The following LRRC7 variants were observed in gnomAD, a reference collection of about 807,000 sequenced individuals.
The protein encoded by LRRC7 is leucine rich repeat containing 7.
Under a neutral mutation model 175.7 loss-of-function variants are expected in LRRC7, and 23 were observed. That is an observed-to-expected ratio of 0.13 (90% CI 0.09 to 0.19). The LOEUF (loss-of-function observed/expected upper bound fraction) is 0.19, where lower values mean the gene tolerates loss of function less well. LRRC7 is among the 10% of genes least tolerant of loss of function. LRRC7 has a pLI of 1.00. For synonymous variants in LRRC7, 685 were observed against 680.9 expected, an observed-to-expected ratio of 1.01 and a Z score of -0.09; for missense variants, 1,354 against 1,904.7, an observed-to-expected ratio of 0.71 and a Z score of 5.38.
intron 26 of LRRC7, among the ~76,000 whole-genome samples, chr1:70,117,573 TA>T: frequency 6.6e-6 from 1 of 152,188 alleles, no homozygotes; most frequent in Admixed American, 6.5e-5. Flanking sequence ...AGATATCAAA[TA>T]AAAAATTAAA....
intron 7 of LRRC7, among the ~76,000 whole-genome samples, chr1:69,900,944 G>A (rs576397202): frequency 6.6e-6 from 1 of 152,272 alleles, no homozygotes; most frequent in Admixed American, 6.5e-5. Flanking sequence ...CAATATGCCT[G>A]TAAATTACAA....
At chr1:69,958,742 C>T (rs903729263) in intron 8 of LRRC7, among the ~76,000 whole-genome samples, 1 of 151,948 alleles carries the variant, frequency 6.6e-6, no homozygotes, top group Non-Finnish European at 1.5e-5. Context: ...ATGTATTGCA[C>T]TAAATTCAGA....
chr1:69,731,522 T>C lies in LRRC7; in HGVS notation c.101-28669T>C, dbSNP rs146279842. The stretch of plus-strand genomic sequence containing the variant: ...AAAATGTGGAAGAAACACAAGAAAA[T>C]GTGCTTATTTGGAGGATGCTAACAG... On this transcript the variant is annotated intron_variant, in intron 2 of 26. Transcript: ENST00000651989. Among the ~76,000 whole-genome samples the C allele has an allele frequency of 6.1e-3, 926 of 152,222 alleles. 3 individuals are homozygous for C. Among genetic ancestry groups the C allele is most frequent in the African/African-American group, 0.021 (875 of 41,536 alleles).
chr1:69,657,171 A>G (rs926049116), intron 1 of LRRC7, among the ~76,000 whole-genome samples: 1 of 151,522 alleles, frequency 6.6e-6, no homozygotes, highest in African/African-American at 2.4e-5. Flanking sequence ...CACTGACCTA[A>G]TTTCTCACCA....
At chr1:70,055,270 A>C (rs1353545050) in intron 23 of LRRC7, among the ~76,000 whole-genome samples, 1 of 152,208 alleles carries the variant, frequency 6.6e-6, no homozygotes, top group Non-Finnish European at 1.5e-5. Flanking sequence ...CAGAAGCCGG[A>C]TCATGCTGGG....
intron 11 of LRRC7, among the ~76,000 whole-genome samples, chr1:70,009,275 A>T (rs1473113254): frequency 6.6e-6 from 1 of 151,936 alleles, no homozygotes; most frequent in Admixed American, 6.6e-5. Context: ...GACCTCTTTT[A>T]TGCAATTCTA....
In LRRC7 at chr1:69,605,913, C is replaced by T. The variant is rs139636383; in HGVS notation, c.2+37272C>T. On this transcript the variant is annotated intron_variant, in intron 1 of 26. Transcript: ENST00000651989. ...TGACTGGAAAATAAAGTGTGCCAGA[C>T]GTAAGGAATGATTCTAATGCTATGC... Among the ~76,000 whole-genome samples the T allele has an allele frequency of 6.0e-3, 919 of 151,988 alleles. 7 individuals carry two copies. Among genetic ancestry groups the T allele is most frequent in the Non-Finnish European group, 9.5e-3 (646 of 67,964 alleles).
chr1:69,809,978 A>T (rs1050384706), intron 4 of LRRC7, among the ~76,000 whole-genome samples: 6 of 152,076 alleles, frequency 3.9e-5, no homozygotes, highest in Non-Finnish European at 7.4e-5. Flanking sequence ...AAGGAACTCA[A>T]ATTATCTCTT....
chr1:69,575,734 A>G (rs1043308661), intron 1 of LRRC7, among the ~76,000 whole-genome samples: 2 of 152,182 alleles, frequency 1.3e-5, no homozygotes, highest in African/African-American at 4.8e-5. Flanking sequence ...ATTCATTTTA[A>G]ATAAATAAAT....
At chr1:69,835,516 T>G (rs1458939359) in intron 6 of LRRC7, among the ~76,000 whole-genome samples, 4 of 152,020 alleles carry the variant, frequency 2.6e-5, no homozygotes, top group African/African-American at 7.2e-5. Context: ...AAGACTGTTA[T>G]GTTCCAACAT....
intron 1 of LRRC7, among the ~76,000 whole-genome samples, chr1:69,580,363 TAA>T (rs1228222384): frequency 6.6e-6 from 1 of 152,116 alleles, no homozygotes; most frequent in African/African-American, 2.4e-5. Flanking sequence ...ATTTAATACA[TAA>T]AGATATTATT....
At chr1:69,791,188 C>T (rs1046676721) in intron 3 of LRRC7, among the ~76,000 whole-genome samples, 4 of 151,948 alleles carry the variant, frequency 2.6e-5, no homozygotes, top group Admixed American at 2.6e-4. Flanking sequence ...TCATATCTGG[C>T]AGGAGTCAAG....
chr1:69,885,259 G>A (rs1687058486), intron 7 of LRRC7, among the ~76,000 whole-genome samples: 2 of 140,448 alleles, frequency 1.4e-5, no homozygotes, highest in Non-Finnish European at 3.1e-5. Flanking sequence ...ACTCTTTTTG[G>A]TTGGTAAACT....
At chr1:69,597,472 C>T (rs1315384407) in intron 1 of LRRC7, among the ~76,000 whole-genome samples, 2 of 152,140 alleles carry the variant, frequency 1.3e-5, no homozygotes, top group Non-Finnish European at 1.5e-5. Flanking sequence ...ATACGGTTTT[C>T]CCACTCTTCT....
chr1:69,595,018 T>TTA (rs1322899037), intron 1 of LRRC7, among the ~76,000 whole-genome samples: 1 of 152,118 alleles, frequency 6.6e-6, no homozygotes, highest in African/African-American at 2.4e-5. Context: ...GATCATTTTT[T>TTA]TTTTTTACTG....
At chr1:69,717,868 A>AAG (rs1665713823) in intron 2 of LRRC7, among the ~76,000 whole-genome samples, 1 of 140,382 alleles carries the variant, frequency 7.1e-6, no homozygotes, top group African/African-American at 2.6e-5. Flanking sequence ...GAAAGAAAGA[A>AAG]AGAAAGAAAG....
intron 7 of LRRC7, among the ~76,000 whole-genome samples, chr1:69,845,017 A>C (rs1175824517): frequency 6.6e-6 from 1 of 152,134 alleles, no homozygotes; most frequent in Non-Finnish European, 1.5e-5. Flanking sequence ...TGGGAGGCCA[A>C]GGTGGGAGAA....
In LRRC7 at chr1:70,137,303, C is replaced by T. The variant is rs1327531721; in HGVS notation, c.*15416C>T. Among the ~76,000 whole-genome samples, 3 of 152,126 alleles carry T rather than the reference C, an allele frequency of 2.0e-5. No individual in the cohort carries two copies. Among genetic ancestry groups the T allele is most frequent in the African/African-American group, 7.2e-5 (3 of 41,428 alleles). On this transcript the variant is annotated 3_prime_UTR_variant, in exon 27 of 27. Coordinates refer to ENST00000651989, the MANE Select transcript of LRRC7 (RefSeq NM_001370785.2). The stretch of plus-strand genomic sequence containing the variant: ...CTTGCTGGAATCAAGGGCAGCTCCT[C>T]CTTTCTGGAGGAAGGAACTTCATCT...
chr1:69,888,677 A>G (rs187664988), intron 7 of LRRC7, among the ~76,000 whole-genome samples: 58 of 152,254 alleles, frequency 3.8e-4, no homozygotes, highest in African/African-American at 9.1e-4. Context: ...TAAGCCAAAC[A>G]CAGAAAGAAA....
Sources: allele counts gnomAD v4.1 joint callset (sites outside exome capture counted in the v4.1 genomes callset), GRCh38; gene constraint gnomAD v4.1.1; transcripts MANE v1.5; gene names NCBI Gene and HGNC (gene_info 2026-07-23, HGNC 2026-07-21).